Variants in NCKAP5 observed in about 807,000 individuals in gnomAD.
NCKAP5 encodes nck-associated protein 5.
A neutral mutation model predicts 167.0 loss-of-function variants in NCKAP5; 92 were observed. The observed-to-expected ratio is 0.55, with a 90% CI of 0.47 to 0.66. The LOEUF (loss-of-function observed/expected upper bound fraction) is 0.66. Ranked by LOEUF, NCKAP5 falls within the 30% of genes least tolerant of loss-of-function variation. The pLI is 0.00. For missense variants in NCKAP5, 2,378 were observed against 2,315.0 expected, an observed-to-expected ratio of 1.03 and a Z score of -0.56; for synonymous variants, 891 against 877.4, an observed-to-expected ratio of 1.02 and a Z score of -0.27.
chr2:133,656,278 A>AC, the NCKAP5 span, among the ~76,000 whole-genome samples: 10 of 141,818 alleles, frequency 7.1e-5, no homozygotes, highest in African/African-American at 1.3e-4. Flanking sequence ...CAAACAAAAA[A>AC]AAAAAAAAAC....
At chr2:132,753,076 T>A (rs1442329840) in intron 16 of NCKAP5, among the ~76,000 whole-genome samples, 1 of 152,190 alleles carries the variant, frequency 6.6e-6, no homozygotes, top group African/African-American at 2.4e-5. Flanking sequence ...CAAACACACC[T>A]TTATGAAAAC....
chr2:133,351,601 C>T (rs1040515930), intron 3 of NCKAP5, among the ~76,000 whole-genome samples: 1 of 152,168 alleles, frequency 6.6e-6, no homozygotes, highest in African/African-American at 2.4e-5. Flanking sequence ...AAGATGATTT[C>T]CTTGTTTCCT....
intron 16 of NCKAP5, among the ~76,000 whole-genome samples, chr2:132,735,891 T>C (rs746383484): frequency 2.0e-5 from 3 of 152,174 alleles, no homozygotes; most frequent in Non-Finnish European, 4.4e-5. Flanking sequence ...GTGGTCTAAG[T>C]CTGGAGCCTT....
At chr2:133,015,307 A>G (rs546473320) in intron 6 of NCKAP5, among the ~76,000 whole-genome samples, 1 of 152,350 alleles carries the variant, frequency 6.6e-6, no homozygotes, top group South Asian at 2.1e-4. Context: ...ATTTGAAATA[A>G]AGAAGACCTC....
chr2:132,855,128 A>G (rs1689364988), intron 11 of NCKAP5, among the ~76,000 whole-genome samples: 5 of 152,156 alleles, frequency 3.3e-5, no homozygotes, highest in Non-Finnish European at 5.9e-5. Flanking sequence ...CTCATCATCG[A>G]AAGCCTTGCT....
intron 3 of NCKAP5, among the ~76,000 whole-genome samples, chr2:133,328,406 A>C (rs1682602638): frequency 6.6e-6 from 1 of 152,248 alleles, no homozygotes; most frequent in Non-Finnish European, 1.5e-5. Context: ...AGCTCTTATA[A>C]GAATCAAGAG....
At chr2:133,375,021 T>C (rs1455157211) in intron 3 of NCKAP5, among the ~76,000 whole-genome samples, 1 of 152,182 alleles carries the variant, frequency 6.6e-6, no homozygotes, top group African/African-American at 2.4e-5. Flanking sequence ...AGTCTGTCCC[T>C]GCGCTTTTCT....
At chr2:132,771,638 C>T (rs1386947806) in intron 16 of NCKAP5, among the ~76,000 whole-genome samples, 1 of 151,700 alleles carries the variant, frequency 6.6e-6, no homozygotes, top group African/African-American at 2.4e-5. Context: ...TCTATAAGTG[C>T]CCTATACAGG....
chr2:133,475,341 T>A lies in NCKAP5; in HGVS notation c.69+42117A>T, dbSNP rs138991098. ...AGGACTCCCAATGTGCACACACACA[T>A]GCACAAGCTTAGTCACACTGTCCTT... On this transcript the variant is annotated intron_variant, in intron 3 of 19. Transcript: ENST00000409261. 5.1e-4 allele frequency among the ~76,000 whole-genome samples: 78 copies of A among 152,324 alleles called. No homozygotes were observed. In the East Asian group the frequency reaches 0.012, roughly 24 times the overall value.
At chr2:132,930,783 A>G (rs1326638438) in intron 8 of NCKAP5, 1 of 152,234 alleles carries the variant, frequency 6.6e-6, no homozygotes, top group African/African-American at 2.4e-5. Context: ...AACAACTTGG[A>G]AACTTAGAAG....
chr2:132,763,724 G>T (rs371028310), intron 16 of NCKAP5, among the ~76,000 whole-genome samples: 3 of 152,164 alleles, frequency 2.0e-5, no homozygotes, highest in Non-Finnish European at 2.9e-5. Flanking sequence ...CTAAAGCGGG[G>T]CTCTGCACTC....
intron 3 of NCKAP5, among the ~76,000 whole-genome samples, chr2:133,503,274 C>T (rs765628556): frequency 1.3e-5 from 2 of 152,190 alleles, no homozygotes; most frequent in African/African-American, 2.4e-5. Flanking sequence ...TAACTGTGAA[C>T]GAGTCAAAGC....
chr2:133,454,518 A>G (rs1691731290), intron 3 of NCKAP5, among the ~76,000 whole-genome samples: 1 of 152,098 alleles, frequency 6.6e-6, no homozygotes, highest in Non-Finnish European at 1.5e-5. Flanking sequence ...GACATCATAG[A>G]TCAAACAACA....
intron 6 of NCKAP5, among the ~76,000 whole-genome samples, chr2:133,060,504 T>C (rs1382609867): frequency 1.3e-5 from 2 of 152,226 alleles, no homozygotes; most frequent in Non-Finnish European, 2.9e-5. Context: ...TATATTTTCA[T>C]GGACTAGATT....
intron 6 of NCKAP5, among the ~76,000 whole-genome samples, chr2:133,025,789 T>C (rs974572903): frequency 3.3e-5 from 5 of 152,200 alleles, no homozygotes; most frequent in African/African-American, 9.7e-5. Context: ...ATTGTAGTCA[T>C]GATGAGACTG....
chr2:132,832,678 G>A (rs1281865368), intron 11 of NCKAP5, among the ~76,000 whole-genome samples: 2 of 152,082 alleles, frequency 1.3e-5, no homozygotes, highest in African/African-American at 4.8e-5. Flanking sequence ...TTCCATTCCT[G>A]TTGCTGGAGA....
intron 5 of NCKAP5, among the ~76,000 whole-genome samples, chr2:133,165,545 G>C (rs2083965475): frequency 6.6e-6 from 1 of 152,198 alleles, no homozygotes; most frequent in African/African-American, 2.4e-5. Flanking sequence ...AGAGAGGAAA[G>C]CACAGAAGCA....
At chr2:133,489,985 G>C (rs893053606) in intron 3 of NCKAP5, among the ~76,000 whole-genome samples, 2 of 152,190 alleles carry the variant, frequency 1.3e-5, no homozygotes, top group East Asian at 1.9e-4. Flanking sequence ...CCAGGCAAAG[G>C]TGGTTGTGGA....
chr2:132,960,044 G>A (rs1249122735), intron 8 of NCKAP5, among the ~76,000 whole-genome samples: 1 of 152,136 alleles, frequency 6.6e-6, no homozygotes, highest in African/African-American at 2.4e-5. Context: ...CAGTGGCTGG[G>A]TAGTGAGGGT....
Sources: allele counts gnomAD v4.1 joint callset (sites outside exome capture counted in the v4.1 genomes callset), GRCh38; gene constraint gnomAD v4.1.1; transcripts MANE v1.5; gene names NCBI Gene and HGNC (gene_info 2026-07-23, HGNC 2026-07-21).